Variants in TTR observed in about 807,000 individuals in gnomAD.
The protein encoded by TTR is epididymis luminal protein 111.
TTR carries 8 observed loss-of-function variants against 13.7 expected under a neutral mutation model. The ratio of observed to expected loss-of-function variants is 0.58; its 90% CI spans 0.34 to 1.05. The LOEUF is 1.05. TTR is among the 50% of genes least tolerant of loss of function. The pLI is 0.02. For synonymous variants in TTR, 75 were observed against 71.7 expected (o/e 1.05, Z -0.23); for missense variants, 135 against 185.5 (o/e 0.73, Z 1.58).
chr18:31,597,076 GC>G (rs2073520731), intron 3 of TTR: 1 of 149,940 alleles, frequency 6.7e-6, no homozygotes, highest in Non-Finnish European at 1.5e-5. Flanking sequence ...ATGGAGTTTT[GC>G]CCTGTCACCC....
At chr18:31,594,532 A>G (rs1019565556) in intron 2 of TTR, among the ~76,000 whole-genome samples, 1 of 152,144 alleles carries the variant, frequency 6.6e-6, no homozygotes, top group Non-Finnish European at 1.5e-5. Flanking sequence ...CTTGCATCCA[A>G]TCATCAATCT....
Position 31,598,512 on chromosome 18 carries a change from A to G in TTR, c.337-56A>G. On this transcript the variant is annotated intron_variant, in intron 3 of 3. Coordinates refer to ENST00000237014, the MANE Select transcript of TTR (RefSeq NM_000371.4). The stretch of plus-strand genomic sequence containing the variant: ...CTTCCGGTGGTCAGTCATGTGTGTC[A>G]TCTGTCACGTTTTTCGGGCTCTGGT... 3 of 1,560,172 alleles carry G rather than the reference A, an allele frequency of 1.9e-6. No homozygotes were observed. In the South Asian group the frequency reaches 3.3e-5, roughly 17 times the overall value.
At chr18:31,592,091 AT>A in intron 1 of TTR, 120 bp downstream of exon 1, 4 of 952,132 alleles carry the variant, frequency 4.2e-6, no homozygotes, top group Non-Finnish European at 6.6e-6. Flanking sequence ...CCCAGCATCT[AT>A]TTTTAATATA....
At chr18:31,593,083 C>G in intron 2 of TTR, 57 bp downstream of exon 2, 2 of 1,609,602 alleles carry the variant, frequency 1.2e-6, no homozygotes, top group Non-Finnish European at 1.7e-6. Context: ...GTTTGCCCCT[C>G]ACTTGGTAGA....
At chr18:31,592,208 T>G (rs1224407355) in intron 1 of TTR, among the ~76,000 whole-genome samples, 5 of 152,204 alleles carry the variant, frequency 3.3e-5, no homozygotes, top group Admixed American at 6.5e-5. Flanking sequence ...GTTTGTAATA[T>G]CTGGTACCTC....
chr18:31,593,052 A>G, intron 2 of TTR, 26 bp downstream of exon 2: 1 of 1,613,062 alleles, frequency 6.2e-7, no homozygotes, highest in Non-Finnish European at 8.5e-7. Flanking sequence ...ACCCTCCCAC[A>G]GGACTTGGTT....
chr18:31,597,434 G>T (rs943273303), intron 3 of TTR, among the ~76,000 whole-genome samples: 3 of 152,162 alleles, frequency 2.0e-5, no homozygotes, highest in Non-Finnish European at 2.9e-5. Context: ...TAAGACAAAA[G>T]ACATTTTTAT....
At chr18:31,597,744 C>T (rs1468699495) in intron 3 of TTR, among the ~76,000 whole-genome samples, 1 of 152,194 alleles carries the variant, frequency 6.6e-6, no homozygotes, top group Non-Finnish European at 1.5e-5. Flanking sequence ...ACTTGCCTCA[C>T]TCTGAGAACC....
rs756442282 is a variant in TTR at position 31,598,428 on chromosome 18, C to A, written c.337-140C>A. On this transcript the variant is annotated intron_variant, in intron 3 of 3. Transcript: ENST00000237014. ...GCTTGCCAGCATATTTGAGCTTTTT[C>A]CTTCTGTTCAAACTGTTCCAAAATA... The A allele has an allele frequency of 9.5e-5, 81 of 856,736 alleles. 1 individual carries two copies. In the South Asian group the frequency reaches 1.1e-3, roughly 12 times the overall value. The allele number at this position is 856,736 out of a possible 1,614,324, so 53.1% of individuals were successfully genotyped here.
intron 3 of TTR, 30 bp downstream of exon 3, chr18:31,595,285 T>C (rs1459520239): frequency 6.2e-7 from 1 of 1,613,926 alleles, no homozygotes; most frequent in Non-Finnish European, 8.5e-7. Context: ...AGGGTTGTTT[T>C]GGTTTTGGTT....
intron 3 of TTR, chr18:31,595,523 T>C (rs2073512772): frequency 1.8e-6 from 1 of 568,204 alleles, no homozygotes; most frequent in African/African-American, 1.9e-5. Context: ...TATATGAATA[T>C]TGATGTATCT....
intron 2 of TTR, chr18:31,593,243 G>C (rs2144407133): frequency 1.8e-6 from 1 of 545,508 alleles, no homozygotes; most frequent in South Asian, 2.0e-5. Context: ...GCAGACAGTA[G>C]AGAAAAGAAG....
intron 1 of TTR, 94 bp downstream of exon 1, chr18:31,592,065 T>C: frequency 7.8e-7 from 1 of 1,286,060 alleles, no homozygotes; most frequent in Non-Finnish European, 1.1e-6. Context: ...CAGCTTTTAT[T>C]ACTAGGGCAA....
intron 3 of TTR, chr18:31,596,227 C>T (rs1278331644): frequency 2.6e-5 from 4 of 154,446 alleles, no homozygotes; most frequent in Middle Eastern, 5.2e-4. Flanking sequence ...AAAAATAGCT[C>T]GGCATGAAAG....
rs11541793 is a variant in TTR, at chr18:31,598,596, C to G, written c.365C>G (p.Pro122Arg). The G allele has an allele frequency of 6.2e-7, 1 of 1,614,178 alleles. No individual in the cohort carries two copies. The highest frequency in any genetic ancestry group is 8.5e-7 in the Non-Finnish European group (1 of 1,180,044). Residue 122 changes from proline (P) to arginine (R), a missense_variant, in exon 4 of 4, where the codon CCC becomes CGC. By Grantham distance (103) the Pro-to-Arg change is moderately radical. Transcript: ENST00000237014. The stretch of plus-strand genomic sequence containing the variant: ...GTATTCACAGCCAACGACTCCGGCC[C>G]CCGCCGCTACACCATTGCCGCCCTG... ...EVVFTANDSG[P>R]RRYTIAALLS...
chr18:31,592,497 A>G (rs1428394076), intron 1 of TTR, among the ~76,000 whole-genome samples: 1 of 152,194 alleles, frequency 6.6e-6, no homozygotes, highest in Non-Finnish European at 1.5e-5. Context: ...TTTTATAACA[A>G]CTGGTAAGAG....
intron 3 of TTR, chr18:31,596,116 C>T (rs1227398889): frequency 3.2e-5 from 5 of 154,412 alleles, no homozygotes; most frequent in African/African-American, 1.2e-4. Context: ...ACCCAGTCCC[C>T]CTGCCTTCTC....
At chr18:31,592,695 G>A (rs2073491847) in intron 1 of TTR, among the ~76,000 whole-genome samples, 1 of 152,176 alleles carries the variant, frequency 6.6e-6, no homozygotes, top group South Asian at 2.1e-4. Context: ...GTGTCTGGAG[G>A]CAGAAACCAT....
At chr18:31,592,854 G>A in intron 1 of TTR, 42 bp from the exon 2 acceptor site, 1 of 1,611,428 alleles carries the variant, frequency 6.2e-7, no homozygotes, top group Non-Finnish European at 8.5e-7. Flanking sequence ...CTTTCACTCT[G>A]ATCAATTTTG....
Sources: allele counts gnomAD v4.1 joint callset (sites outside exome capture counted in the v4.1 genomes callset), GRCh38; gene constraint gnomAD v4.1.1; transcripts MANE v1.5; gene names NCBI Gene and HGNC (gene_info 2026-07-23, HGNC 2026-07-21).